The following DNAAF8 variants were observed in gnomAD, a reference collection of about 807,000 sequenced individuals.
DNAAF8 encodes the protein dynein axonemal-associated protein 1.
In DNAAF8, 61 loss-of-function variants were observed where a neutral mutation model predicts 54.6. The observed-to-expected ratio is 1.12, with a 90% CI of 0.91 to 1.38. DNAAF8 has a LOEUF of 1.38. DNAAF8 is among the 40% of genes most tolerant of loss of function. The pLI is 0.00. For synonymous variants in DNAAF8, 320 were observed against 270.1 expected (o/e 1.18, Z -1.81); for missense variants, 837 against 665.0 (o/e 1.26, Z -2.85).
chr16:4,743,728 C>G (rs1481554990), intron 5 of DNAAF8: 5 of 152,332 alleles, frequency 3.3e-5, no homozygotes, highest in African/African-American at 1.2e-4. Flanking sequence ...GGCGCTTCCG[C>G]CTCTGGTCCC....
chr16:4,747,245 G>A, intron 8 of DNAAF8, 98 bp from the exon 9 acceptor site: 1 of 1,409,652 alleles, frequency 7.1e-7, no homozygotes, highest in East Asian at 2.3e-5. Flanking sequence ...GCTCTGAAAT[G>A]GGAGCTGGGC....
chr16:4,743,289 C>G, intron 5 of DNAAF8, 129 bp downstream of exon 5: 1 of 627,248 alleles, frequency 1.6e-6, no homozygotes. Context: ...CCTGCTGGCC[C>G]CGCCCTAAAC....
intron 9 of DNAAF8, among the ~76,000 whole-genome samples, 181 bp downstream of exon 9, chr16:4,747,815 G>A (rs2082037510): frequency 1.3e-5 from 2 of 152,166 alleles, no homozygotes; most frequent in African/African-American, 2.4e-5. Context: ...CTTAGAGGAA[G>A]GATGCAGATA....
intron 6 of DNAAF8, 140 bp from the exon 7 acceptor site, chr16:4,746,235 A>T (rs944268171): frequency 2.2e-6 from 2 of 910,724 alleles, no homozygotes; most frequent in Admixed American, 2.6e-5. Context: ...TAAAAGAGCA[A>T]ATGTGTTTAA....
At chr16:4,743,953 G>C (rs1353750474) in intron 5 of DNAAF8, 1 of 119,276 alleles carries the variant, frequency 8.4e-6, no homozygotes, top group African/African-American at 3.2e-5. Context: ...TTTTGAGACA[G>C]AGTTTCACTC....
At chr16:4,742,552 C>CAAAAAAAA (rs576508321) in intron 4 of DNAAF8, among the ~76,000 whole-genome samples, 19 of 94,644 alleles carry the variant, frequency 2.0e-4, no homozygotes, top group East Asian at 2.8e-4. Flanking sequence ...ACTAAAAATA[C>CAAAAAAAA]AAAAAAAAAA....
At chr16:4,744,124 G>T (rs1460133903) in intron 5 of DNAAF8, among the ~76,000 whole-genome samples, 4 of 151,958 alleles carry the variant, frequency 2.6e-5, no homozygotes, top group African/African-American at 7.3e-5. Flanking sequence ...GTAGAAACGG[G>T]ATTTCACCAT....
At position 4,736,489 on chromosome 16, in the gene DNAAF8, G is replaced by C. The variant is rs780186117; in HGVS notation, c.-26G>C. The C allele has an allele frequency of 3.3e-6, 5 of 1,519,956 alleles. No individual in the cohort carries two copies. The highest frequency in any genetic ancestry group is 4.4e-6 in the Non-Finnish European group (5 of 1,123,868). The allele number at this position is 1,519,956 out of a possible 1,614,324, so 94.2% of individuals were successfully genotyped here. A position where few individuals can be genotyped will look rare whatever the true frequency, so the allele number is the denominator to read the frequency against. On this transcript the variant is annotated 5_prime_UTR_variant, in exon 2 of 10. Transcript: ENST00000299320. ...AGCTCCCCGGATTATGGTGCACTGA[G>C]AAGGCATCTGGAAGCCTGGGCCCTC...
At chr16:4,746,889 G>T (rs939860060) in intron 7 of DNAAF8, 38 bp from the exon 8 acceptor site, 6 of 1,499,996 alleles carry the variant, frequency 4.0e-6, no homozygotes, top group Non-Finnish European at 5.4e-6. Flanking sequence ...ACACCAGGTG[G>T]AGTGGGCACA....
In DNAAF8 at chr16:4,740,184, AAC is replaced by A; in HGVS notation, c.309_310del (p.Glu103AspfsTer25). 1.2e-6 allele frequency: 2 copies of A among 1,612,860 alleles called. No homozygotes were observed. Among genetic ancestry groups the A allele is most frequent in the Non-Finnish European group, 1.7e-6 (2 of 1,179,132 alleles). On this transcript the variant is annotated frameshift_variant, in exon 4 of 10. Coordinates refer to ENST00000299320, the MANE Select transcript of DNAAF8 (RefSeq NM_139170.3). LOFTEE classifies it high-confidence loss of function. Reference sequence around the variant, plus strand: ...CTGGTGCCTGCAGAATTGGCCACAGAACCTGGGTGCAGACAGAACACAAGGAC... The same window carrying A: ...CTGGTGCCTGCAGAATTGGCCACAGACTGGGTGCAGACAGAACACAAGGAC...
intron 5 of DNAAF8, chr16:4,743,426 A>AG (rs1189981759): frequency 1.3e-5 from 4 of 299,288 alleles, no homozygotes; most frequent in Non-Finnish European, 2.4e-5. Flanking sequence ...CATGACCCAT[A>AG]CCTCCTCTTC....
chr16:4,747,293 G>A (rs952097479), intron 8 of DNAAF8, 50 bp from the exon 9 acceptor site: 14 of 1,513,504 alleles, frequency 9.3e-6, no homozygotes, highest in Non-Finnish European at 1.2e-5. Flanking sequence ...GGAGGGCTGG[G>A]AGGGGCGGCC....
chr16:4,745,711 A>G (rs2082006108), intron 6 of DNAAF8, among the ~76,000 whole-genome samples: 1 of 152,154 alleles, frequency 6.6e-6, no homozygotes, highest in Admixed American at 6.6e-5. Context: ...GGCACTTTGG[A>G]AGGCCGAGGC....
At position 4,743,278 on chromosome 16, in the gene DNAAF8, C is replaced by T. The variant is rs2142208401; in HGVS notation, c.901+118C>T. ...CAGTCCTGCAGCCCACACAAGTCTT[C>T]CCTGCTGGCCCCGCCCTAAACACTC... On this transcript the variant is annotated intron_variant, in intron 5 of 9. Coordinates refer to ENST00000299320, the MANE Select transcript of DNAAF8 (RefSeq NM_139170.3). 6.0e-6 allele frequency: 4 copies of T among 668,904 alleles called. No homozygotes were observed. In the South Asian group the frequency reaches 8.0e-5, roughly 13 times the overall value. The allele number at this position is 668,904 out of a possible 1,614,324, so 41.4% of individuals were successfully genotyped here.
intron 4 of DNAAF8, 29 bp from the exon 5 acceptor site, chr16:4,743,014 C>G: frequency 6.4e-7 from 1 of 1,550,710 alleles, no homozygotes; most frequent in Non-Finnish European, 8.9e-7. Context: ...CCTCAGCATC[C>G]TCATAATCAC....
Position 4,740,635 on chromosome 16 carries a change from G to C in DNAAF8, c.759G>C (p.Glu253Asp). The C allele has an allele frequency of 6.2e-7, 1 of 1,606,650 alleles. No individual in the cohort carries two copies. Among genetic ancestry groups the C allele is most frequent in the South Asian group, 1.1e-5 (1 of 90,940 alleles). The change falls in exon 4 of 10, where the codon GAG (glutamate) becomes GAC (aspartate). Residue 253 changes from glutamate (E) to aspartate (D), a missense_variant. Glu to Asp is a conservative substitution (Grantham distance 45). Coordinates refer to ENST00000299320, the MANE Select transcript of DNAAF8 (RefSeq NM_139170.3). ...RSKMPLVEPPEGPPVLSLQQL... is the reference protein window; with the variant it reads ...RSKMPLVEPPDGPPVLSLQQL... Reference sequence around the variant, plus strand: ...AAATGCCCCTCGTGGAGCCTCCGGAGGGACCACCAGTGCTCTCGCTCCAGG... The same window carrying C: ...AAATGCCCCTCGTGGAGCCTCCGGACGGACCACCAGTGCTCTCGCTCCAGG...
chr16:4,747,268 C>T, intron 8 of DNAAF8, 75 bp from the exon 9 acceptor site: 1 of 1,479,386 alleles, frequency 6.8e-7, no homozygotes, highest in Non-Finnish European at 9.1e-7. Flanking sequence ...ATCTGCTTTT[C>T]TCCTGTTTCA....
rs2081991671 is a variant in DNAAF8 at position 4,744,747 on chromosome 16, G to A, written c.902-123G>A. On this transcript the variant is annotated intron_variant, in intron 5 of 9. Transcript: ENST00000299320. ...CTGAGTAGGGAGAGGGCTGGGCGGGGGCAGTGGAGGAGCCTGAGGTCCATT... is the reference window on the plus strand; with the variant it reads ...CTGAGTAGGGAGAGGGCTGGGCGGGAGCAGTGGAGGAGCCTGAGGTCCATT... 12 of 1,243,484 alleles carry A rather than the reference G, an allele frequency of 9.7e-6. No individual in the cohort carries two copies. In the South Asian group the frequency reaches 1.4e-4, roughly 15 times the overall value. 77.0% of individuals were successfully genotyped at this position (1,243,484 alleles called of 1,614,324 possible).
intron 6 of DNAAF8, 66 bp downstream of exon 6, chr16:4,745,077 G>C: frequency 1.3e-6 from 2 of 1,556,274 alleles, no homozygotes; most frequent in Admixed American, 1.7e-5. Context: ...TTGTAGCACT[G>C]ACTGGGCCTA....
Sources: allele counts gnomAD v4.1 joint callset (sites outside exome capture counted in the v4.1 genomes callset), GRCh38; gene constraint gnomAD v4.1.1; transcripts MANE v1.5; gene names NCBI Gene and HGNC (gene_info 2026-07-23, HGNC 2026-07-21).